The following C12orf42 variants were observed in gnomAD, a reference collection of about 807,000 sequenced individuals.
The protein encoded by C12orf42 is uncharacterized protein C12orf42.
A neutral mutation model predicts 21.6 loss-of-function variants in C12orf42; 25 were observed. The observed-to-expected ratio is 1.16, with a 90% CI of 0.84 to 1.62. The LOEUF (loss-of-function observed/expected upper bound fraction) is 1.62, where lower values mean the gene tolerates loss of function less well. Ranked by LOEUF, C12orf42 falls within the 40% of genes most tolerant of loss-of-function variation. The probability of loss-of-function intolerance (pLI) is 0.00; values close to 1 mark genes in which losing one functional copy is unlikely to be tolerated. For synonymous variants in C12orf42, 174 were observed against 175.0 expected, an observed-to-expected ratio of 0.99 and a Z score of 0.05; for missense variants, 483 against 459.3, an observed-to-expected ratio of 1.05 and a Z score of -0.47.
chr12:103,272,021 A>C (rs1356597323), intron 5 of C12orf42, among the ~76,000 whole-genome samples: 1 of 152,164 alleles, frequency 6.6e-6, no homozygotes, highest in Non-Finnish European at 1.5e-5. Flanking sequence ...GAAATGAAAG[A>C]TCTAGACTGC....
chr12:103,473,058 G>A (rs1300250513), intron 2 of C12orf42, among the ~76,000 whole-genome samples: 2 of 152,218 alleles, frequency 1.3e-5, no homozygotes, highest in African/African-American at 4.8e-5. Context: ...GGCAGTGTGA[G>A]ACAGACACAG....
chr12:103,200,672 A>G, the C12orf42 span, among the ~76,000 whole-genome samples: 9 of 152,342 alleles, frequency 5.9e-5, no homozygotes, highest in Non-Finnish European at 1.3e-4. Context: ...AAACATTCTC[A>G]ATAACATCCT....
At chr12:103,534,458 G>A in the C12orf42 span, among the ~76,000 whole-genome samples, 3 of 152,024 alleles carry the variant, frequency 2.0e-5, no homozygotes, top group East Asian at 1.9e-4. Context: ...GTCTAGCCTC[G>A]GATATGAAGA....
chr12:103,357,063 C>T (rs1414550161), intron 4 of C12orf42, among the ~76,000 whole-genome samples: 2 of 145,928 alleles, frequency 1.4e-5, no homozygotes, highest in South Asian at 4.3e-4. Context: ...AACCAAACAC[C>T]GCATGTTCTC....
At chr12:103,070,546 G>A in the C12orf42 span, among the ~76,000 whole-genome samples, 7 of 145,816 alleles carry the variant, frequency 4.8e-5, no homozygotes, top group African/African-American at 7.8e-5. Flanking sequence ...ACACACACCC[G>A]ACACAGCCTC....
Position 103,302,140 on chromosome 12 carries a change from A to G in C12orf42, c.1051T>C (p.Ser351Pro). ...RFHTVCSQAL[S>P]RPVVNAHLH The stretch of plus-strand genomic sequence containing the variant: ...AAGTGAGCATTCACCACCGGCCTAG[A>G]AAGGGCCTGTGAACAAACCGTATGG... Residue 351 changes from serine to proline, a missense_variant, in exon 6 of 6, where the codon TCT (serine) becomes CCT (proline). Coordinates refer to ENST00000548883, the MANE Select transcript of C12orf42 (RefSeq NM_198521.5). The G allele has an allele frequency of 6.2e-7, 1 of 1,613,060 alleles. No homozygotes were observed. The highest frequency in any genetic ancestry group is 2.2e-5 in the East Asian group (1 of 44,866).
chr12:103,383,593 G>A (rs2046356376), intron 3 of C12orf42, among the ~76,000 whole-genome samples: 2 of 152,092 alleles, frequency 1.3e-5, no homozygotes, highest in South Asian at 4.1e-4. Flanking sequence ...ATTGATTTGT[G>A]TTTCTCTGGC....
chr12:103,319,035 T>C lies in C12orf42; in HGVS notation c.260-12690A>G, dbSNP rs76196197. 8.5e-3 allele frequency among the ~76,000 whole-genome samples: 1,302 copies of C among 152,330 alleles called. 10 individuals are homozygous for C. The highest frequency in any genetic ancestry group is 0.03 in the African/African-American group (1,236 of 41,564). On this transcript the variant is annotated intron_variant, in intron 4 of 5. Transcript: ENST00000548883. ...TCCAGACAACACCTTAGCTTTCTTATATGAGGCTGTTTCCAAGTCTTTCAT... is the reference window on the plus strand; with the variant it reads ...TCCAGACAACACCTTAGCTTTCTTACATGAGGCTGTTTCCAAGTCTTTCAT...
chr12:103,447,143 C>A (rs1951632764), intron 2 of C12orf42, among the ~76,000 whole-genome samples: 1 of 151,784 alleles, frequency 6.6e-6, no homozygotes, highest in African/African-American at 2.4e-5. Context: ...TTAAGAAAAT[C>A]AAAATTATAT....
At chr12:103,059,715 A>G in the C12orf42 span, among the ~76,000 whole-genome samples, 2 of 152,216 alleles carry the variant, frequency 1.3e-5, no homozygotes, top group East Asian at 1.9e-4. Context: ...AATAGAACCA[A>G]TGTCAAAAAC....
the C12orf42 span, among the ~76,000 whole-genome samples, chr12:103,220,188 C>T: frequency 3.0e-3 from 463 of 152,248 alleles, 1 homozygote; most frequent in African/African-American, 0.011. Flanking sequence ...CACGTACTCA[C>T]TCATAAGTAG....
chr12:103,332,341 G>A (rs148667873), intron 4 of C12orf42, among the ~76,000 whole-genome samples: 4 of 152,278 alleles, frequency 2.6e-5, no homozygotes, highest in African/African-American at 9.6e-5. Flanking sequence ...GATTCCCAAA[G>A]GCATAAGTCA....
rs144195327 is a variant in C12orf42 at position 103,295,783 on chromosome 12, C to A, written n.338-18573G>T. ...GAATTTGGATACCACTCTTACTTTT[C>A]AAAATGCTTTCATTTTATAGCAAAT... On this transcript the variant is annotated intron_variant and non_coding_transcript_variant, in intron 4 of 6. Coordinates refer to the C12orf42 transcript ENST00000546526. Among the ~76,000 whole-genome samples, 14 of 152,170 alleles carry A rather than the reference C, an allele frequency of 9.2e-5. No homozygotes were observed. The East Asian group carries it at 2.5e-3, about 27-fold the overall frequency.
intron 4 of C12orf42, among the ~76,000 whole-genome samples, chr12:103,351,499 A>T (rs73185868): frequency 2.6e-5 from 4 of 152,244 alleles, no homozygotes; most frequent in Non-Finnish European, 5.9e-5. Flanking sequence ...TTCTTTTATC[A>T]AAGGGCAAGG....
At chr12:103,386,935 A>G (rs1287520189) in intron 3 of C12orf42, among the ~76,000 whole-genome samples, 2 of 152,164 alleles carry the variant, frequency 1.3e-5, no homozygotes, top group Non-Finnish European at 2.9e-5. Flanking sequence ...CCGTTAAACC[A>G]AAGTCACATC....
the C12orf42 span, chr12:103,505,515 A>G: frequency 2.6e-6 from 1 of 391,212 alleles, no homozygotes; most frequent in Admixed American, 4.3e-5. Flanking sequence ...ACTGGTAACC[A>G]CCTGAGAAGT....
chr12:103,352,289 C>T (rs765032447), intron 4 of C12orf42, among the ~76,000 whole-genome samples: 1 of 152,006 alleles, frequency 6.6e-6, no homozygotes, highest in Non-Finnish European at 1.5e-5. Context: ...AGAATTCTCG[C>T]TATGGAGGGA....
At chr12:103,371,203 C>CA (rs1012713376) in intron 3 of C12orf42, among the ~76,000 whole-genome samples, 5 of 152,252 alleles carry the variant, frequency 3.3e-5, no homozygotes, top group East Asian at 1.9e-4. Flanking sequence ...GCCTATCACT[C>CA]ACCCAACTCT....
intron 2 of C12orf42, among the ~76,000 whole-genome samples, chr12:103,413,098 A>C (rs1248174661): frequency 6.6e-6 from 1 of 152,212 alleles, no homozygotes; most frequent in African/African-American, 2.4e-5. Flanking sequence ...GAGCTGTTAC[A>C]TTTAAATCTT....
Sources: allele counts gnomAD v4.1 joint callset (sites outside exome capture counted in the v4.1 genomes callset), GRCh38; gene constraint gnomAD v4.1.1; transcripts MANE v1.5; gene names NCBI Gene and HGNC (gene_info 2026-07-23, HGNC 2026-07-21).